ZNF385D: variants seen among roughly 807,000 people sequenced by gnomAD.
The protein encoded by ZNF385D is zinc finger protein 659.
ZNF385D carries 15 observed loss-of-function variants against 35.8 expected under a neutral mutation model. The observed-to-expected ratio is 0.42, with a 90% CI of 0.28 to 0.64. The LOEUF is 0.64. Ranked by LOEUF, ZNF385D falls within the 30% of genes least tolerant of loss-of-function variation. ZNF385D has a pLI of 0.23. For synonymous variants in ZNF385D, 212 were observed against 186.8 expected, an observed-to-expected ratio of 1.13 and a Z score of -1.10; for missense variants, 474 against 494.6, an observed-to-expected ratio of 0.96 and a Z score of 0.39.
At chr3:21,579,044 C>A (rs1399305997) in intron 2 of ZNF385D, 2 of 152,090 alleles carry the variant, frequency 1.3e-5, no homozygotes, top group Non-Finnish European at 2.9e-5. Flanking sequence ...TGATTAGAAT[C>A]CTGTTTCTAG....
chr3:22,146,848 C>T (rs1704892166), intron 3 of ZNF385D, among the ~76,000 whole-genome samples: 1 of 152,048 alleles, frequency 6.6e-6, no homozygotes, highest in Non-Finnish European at 1.5e-5. Flanking sequence ...AATCTGTAAG[C>T]CAATGTGTCT....
chr3:22,193,442 T>A (rs1014531005), intron 2 of ZNF385D, among the ~76,000 whole-genome samples: 1 of 152,098 alleles, frequency 6.6e-6, no homozygotes, highest in Admixed American at 6.6e-5. Flanking sequence ...TTATTATATA[T>A]GATATTAACG....
chr3:21,977,338 T>A (rs902641839), intron 3 of ZNF385D, among the ~76,000 whole-genome samples: 4 of 152,154 alleles, frequency 2.6e-5, no homozygotes, highest in African/African-American at 4.8e-5. Flanking sequence ...CAAAAAAAAA[T>A]TTGTTTTTAA....
At position 21,947,346 on chromosome 3, in the gene ZNF385D, G is replaced by GTTATTTATTTAT. The variant is rs74499183; in HGVS notation, c.325+221459_325+221470dup. Among the ~76,000 whole-genome samples the GTTATTTATTTAT allele has an allele frequency of 1.5e-3, 227 of 150,810 alleles. 1 individual carries two copies. The highest frequency in any genetic ancestry group is 0.012 in the East Asian group (59 of 5,074). On this transcript the variant is annotated intron_variant, in intron 3 of 5. Coordinates refer to the ZNF385D transcript ENST00000494108. The stretch of plus-strand genomic sequence containing the variant: ...CAAGGCTCTTTCATGTATTTTACTA[G>GTTATTTATTTAT]TTATTTATTTATTTATTTATTTTGA...
At chr3:21,958,059 A>G (rs958567536) in intron 3 of ZNF385D, among the ~76,000 whole-genome samples, 10 of 152,250 alleles carry the variant, frequency 6.6e-5, no homozygotes, top group Admixed American at 5.2e-4. Context: ...TGCCCTTTTA[A>G]TAAAACTGTT....
At chr3:21,889,575 G>T (rs1443147927) in intron 3 of ZNF385D, among the ~76,000 whole-genome samples, 1 of 152,082 alleles carries the variant, frequency 6.6e-6, no homozygotes, top group Non-Finnish European at 1.5e-5. Context: ...GGACTTTATT[G>T]CCCCTTAACT....
intron 3 of ZNF385D, among the ~76,000 whole-genome samples, chr3:22,140,215 C>T (rs189483334): frequency 6.6e-6 from 1 of 152,144 alleles, no homozygotes; most frequent in East Asian, 1.9e-4. Flanking sequence ...AACTGTAGTA[C>T]ATCATCTATA....
At chr3:21,812,741 C>T (rs2072981989) in intron 3 of ZNF385D, among the ~76,000 whole-genome samples, 1 of 152,216 alleles carries the variant, frequency 6.6e-6, no homozygotes, top group Admixed American at 6.5e-5. Context: ...AGGAGGCCTG[C>T]CTGCCTCTGT....
chr3:22,241,962 C>A (rs781320788), intron 2 of ZNF385D, among the ~76,000 whole-genome samples: 3 of 150,462 alleles, frequency 2.0e-5, no homozygotes, highest in African/African-American at 4.9e-5. Flanking sequence ...AATATCCACT[C>A]CCATTCGCAA....
At chr3:21,542,816 T>G (rs2125567635) in intron 3 of ZNF385D, 1 of 152,270 alleles carries the variant, frequency 6.6e-6, no homozygotes. Flanking sequence ...GGAGGAAACT[T>G]GTTTCCCTTT....
chr3:22,066,958 C>G (rs866513838), intron 3 of ZNF385D, among the ~76,000 whole-genome samples: 1 of 152,210 alleles, frequency 6.6e-6, no homozygotes, highest in African/African-American at 2.4e-5. Flanking sequence ...TCCCTACTTT[C>G]TAACATCCAT....
At chr3:22,159,518 A>G (rs1029287512) in intron 3 of ZNF385D, among the ~76,000 whole-genome samples, 6 of 152,062 alleles carry the variant, frequency 3.9e-5, no homozygotes, top group African/African-American at 1.4e-4. Flanking sequence ...AGGGACAGAG[A>G]TTGCACAAAG....
intron 2 of ZNF385D, among the ~76,000 whole-genome samples, chr3:21,585,380 C>T (rs1575253755): frequency 6.6e-6 from 1 of 152,170 alleles, no homozygotes; most frequent in Non-Finnish European, 1.5e-5. Context: ...TAATATATGA[C>T]AGCTAAAACT....
intron 3 of ZNF385D, among the ~76,000 whole-genome samples, chr3:21,873,989 T>C (rs1471261579): frequency 6.6e-6 from 1 of 151,766 alleles, no homozygotes; most frequent in Admixed American, 6.6e-5. Context: ...TTTCATTTTT[T>C]TTTTTGTATA....
chr3:21,594,573 G>A (rs1291852236), intron 2 of ZNF385D, among the ~76,000 whole-genome samples: 1 of 152,102 alleles, frequency 6.6e-6, no homozygotes, highest in Admixed American at 6.6e-5. Flanking sequence ...ACGGGATTGT[G>A]GGGGCCTGAG....
chr3:21,597,190 A>T (rs1235732855), intron 2 of ZNF385D, among the ~76,000 whole-genome samples: 1 of 152,120 alleles, frequency 6.6e-6, no homozygotes. Context: ...TTACAACCTA[A>T]TTAATTAATT....
At chr3:22,172,809 C>T (rs1448104746) in intron 2 of ZNF385D, among the ~76,000 whole-genome samples, 1 of 152,198 alleles carries the variant, frequency 6.6e-6, no homozygotes. Flanking sequence ...ACCAAACTCT[C>T]ATTTAGAAGT....
At chr3:21,536,470 C>A (rs1410253919) in intron 3 of ZNF385D, among the ~76,000 whole-genome samples, 1 of 151,970 alleles carries the variant, frequency 6.6e-6, no homozygotes, top group South Asian at 2.1e-4. Flanking sequence ...GAGGAGGAAG[C>A]CCAGTTTGGG....
chr3:22,013,488 C>T (rs1442524484), intron 3 of ZNF385D, among the ~76,000 whole-genome samples: 1 of 151,882 alleles, frequency 6.6e-6, no homozygotes, highest in African/African-American at 2.4e-5. Flanking sequence ...GATTTAGGGA[C>T]CTTTTGATGT....
Sources: gnomAD v4.1 joint callset for allele counts (sites outside exome capture counted in the v4.1 genomes callset) on GRCh38, gnomAD v4.1.1 for gene constraint, MANE v1.5 for transcripts, NCBI Gene and HGNC (gene_info 2026-07-23, HGNC 2026-07-21) for gene names.